The following MYO10 variants were observed in gnomAD, a reference collection of about 807,000 sequenced individuals.
MYO10 encodes myosin X, also known as unconventional myosin-X.
In MYO10, 133 loss-of-function variants were observed where a neutral mutation model predicts 257.3. The ratio of observed to expected loss-of-function variants is 0.52; its 90% CI spans 0.45 to 0.60. MYO10 has a LOEUF of 0.60. Ranked by LOEUF, MYO10 falls within the 20% of genes least tolerant of loss-of-function variation. The pLI is 0.00. For synonymous variants in MYO10, 1,104 were observed against 1,028.6 expected (o/e 1.07, Z -1.40); for missense variants, 2,399 against 2,635.7 (o/e 0.91, Z 1.97).
intron 19 of MYO10, among the ~76,000 whole-genome samples, chr5:16,737,688 A>G (rs1444231935): frequency 3.3e-5 from 5 of 152,220 alleles, no homozygotes; most frequent in Non-Finnish European, 7.3e-5. Flanking sequence ...GGTTTTCAAG[A>G]GGAGGTGGTT....
At chr5:16,676,193 T>C in intron 33 of MYO10, 39 bp from the exon 34 acceptor site, 1 of 1,604,164 alleles carries the variant, frequency 6.2e-7, no homozygotes, top group Non-Finnish European at 8.5e-7. Context: ...AAGAAACCTG[T>C]ATTTTCCTAC....
rs776479832 is a variant in MYO10 at position 16,673,769 on chromosome 5, G to A, written c.5085C>T (p.Ile1695=). 17 of 1,613,978 alleles carry A rather than the reference G, an allele frequency of 1.1e-5. No individual in the cohort carries two copies. In the South Asian group the frequency reaches 1.9e-4, roughly 18 times the overall value. Residue 1695 remains isoleucine, a synonymous_variant, in exon 36 of 41, where the codon ATC becomes ATT. Transcript: ENST00000513610. ...CCGTGGATGTCATTTCCTGCCTGTGGATCAGAGCTTCTATTTCATCTCGGG... is the reference window on the plus strand; with the variant it reads ...CCGTGGATGTCATTTCCTGCCTGTGAATCAGAGCTTCTATTTCATCTCGGG... ...VPSRDEIEAL[I]HRQEMTSTVY...
chr5:16,697,980 GTGA>G (rs1177258943), intron 26 of MYO10, among the ~76,000 whole-genome samples: 4 of 152,298 alleles, frequency 2.6e-5, no homozygotes, highest in African/African-American at 9.6e-5. Context: ...CCCAAAATTG[GTGA>G]TGATTATGGT....
chr5:16,708,682 C>T (rs1738456848), intron 21 of MYO10, among the ~76,000 whole-genome samples: 1 of 152,156 alleles, frequency 6.6e-6, no homozygotes, highest in African/African-American at 2.4e-5. Flanking sequence ...CCACTCTAGC[C>T]ACGCGAGTAG....
intron 2 of MYO10, among the ~76,000 whole-genome samples, chr5:16,821,524 T>TG (rs1289683902): frequency 6.4e-5 from 9 of 139,792 alleles, no homozygotes; most frequent in Non-Finnish European, 1.2e-4. Flanking sequence ...TGGAGTGCAG[T>TG]GGCGCGATCT....
At chr5:16,832,802 T>C (rs149467254) in intron 2 of MYO10, among the ~76,000 whole-genome samples, 3 of 152,314 alleles carry the variant, frequency 2.0e-5, no homozygotes, top group Middle Eastern at 3.4e-3. Context: ...AAACAAAAAC[T>C]GACCTCGGCA....
intron 2 of MYO10, among the ~76,000 whole-genome samples, chr5:16,848,175 TGA>T (rs1743697147): frequency 1.3e-5 from 2 of 148,710 alleles, no homozygotes; most frequent in African/African-American, 2.5e-5. Flanking sequence ...TTTTTTTTTG[TGA>T]GAGAGAGTTT....
chr5:16,894,392 C>A (rs1369536555), intron 1 of MYO10, among the ~76,000 whole-genome samples: 1 of 152,132 alleles, frequency 6.6e-6, no homozygotes, highest in Non-Finnish European at 1.5e-5. Context: ...ATGGCTCTAT[C>A]CAGGGGGCCA....
chr5:16,672,344 T>A (rs1334930166), intron 37 of MYO10, among the ~76,000 whole-genome samples: 1 of 149,480 alleles, frequency 6.7e-6, no homozygotes, highest in Non-Finnish European at 1.5e-5. Context: ...TAACACATAG[T>A]TTAAAGAGTT....
intron 3 of MYO10, among the ~76,000 whole-genome samples, chr5:16,806,588 C>T (rs1380473451): frequency 6.6e-6 from 1 of 150,768 alleles, no homozygotes; most frequent in Non-Finnish European, 1.5e-5. Context: ...GAGGAGCTTG[C>T]AGTGAGCCAA....
intron 9 of MYO10, among the ~76,000 whole-genome samples, chr5:16,777,404 G>A (rs1263709444): frequency 2.0e-5 from 3 of 152,162 alleles, no homozygotes; most frequent in African/African-American, 7.2e-5. Flanking sequence ...TAGCCATAGA[G>A]AAATGATGCA....
intron 19 of MYO10, among the ~76,000 whole-genome samples, chr5:16,722,877 A>C (rs1346619345): frequency 6.6e-6 from 1 of 152,260 alleles, no homozygotes; most frequent in African/African-American, 2.4e-5. Context: ...GATGCTGTTA[A>C]GGCAATGAAA....
At chr5:16,899,360 C>T (rs900338860) in intron 1 of MYO10, among the ~76,000 whole-genome samples, 134 of 152,058 alleles carry the variant, frequency 8.8e-4, no homozygotes, top group Middle Eastern at 3.4e-3. Context: ...TGTGGCTGGG[C>T]GCGATGACTC....
chr5:16,781,512 G>C (rs578042230), intron 6 of MYO10, among the ~76,000 whole-genome samples, 193 bp downstream of exon 6: 1 of 152,202 alleles, frequency 6.6e-6, no homozygotes, highest in African/African-American at 2.4e-5. Context: ...GTAACTATAG[G>C]CACATGTACC....
rs376865617 is a variant in MYO10 at position 16,901,104 on chromosome 5, T to C, written c.22-23397A>G. 1.1e-4 allele frequency among the ~76,000 whole-genome samples: 16 copies of C among 152,136 alleles called. No homozygotes were observed. The East Asian group carries it at 1.5e-3, about 15-fold the overall frequency. On this transcript the variant is annotated intron_variant, in intron 1 of 40. Transcript: ENST00000513610. ...TGTAGACTGTGCATGATCTGGCTCC[T>C]GCCTGCCCCTCCAGCGTTGTCTCAG...
intron 2 of MYO10, among the ~76,000 whole-genome samples, chr5:16,828,564 G>A (rs1311085391): frequency 6.7e-6 from 1 of 148,620 alleles, no homozygotes; most frequent in African/African-American, 2.5e-5. Flanking sequence ...AGGTTGCAGT[G>A]AGCTGAGATT....
rs1031412213 is a variant in MYO10 at position 16,787,424 on chromosome 5, T to A, written c.468-3955A>T. Among the ~76,000 whole-genome samples the A allele has an allele frequency of 5.3e-5, 8 of 152,096 alleles. No homozygotes were observed. In the East Asian group the frequency reaches 1.5e-3, roughly 29 times the overall value. On this transcript the variant is annotated intron_variant, in intron 4 of 40. Transcript: ENST00000513610. ...ATGTCAAGGTCACAGACTCTGCAGGTAGTACATTTCTGTCTAACCCGTCTC... is the reference window on the plus strand; with the variant it reads ...ATGTCAAGGTCACAGACTCTGCAGGAAGTACATTTCTGTCTAACCCGTCTC...
intron 9 of MYO10, among the ~76,000 whole-genome samples, chr5:16,776,590 T>C (rs186682104): frequency 3.5e-4 from 53 of 152,360 alleles, no homozygotes; most frequent in Admixed American, 2.2e-3. Context: ...TTCTAGGTGA[T>C]TGACATATCC....
chr5:16,695,618 C>T (rs1468874090), intron 26 of MYO10, among the ~76,000 whole-genome samples: 2 of 151,950 alleles, frequency 1.3e-5, no homozygotes, highest in African/African-American at 2.4e-5. Flanking sequence ...AAAAATCTTG[C>T]TATGCTCTTC....
Sources: allele counts gnomAD v4.1 joint callset (sites outside exome capture counted in the v4.1 genomes callset), GRCh38; gene constraint gnomAD v4.1.1; transcripts MANE v1.5; gene names NCBI Gene and HGNC (gene_info 2026-07-23, HGNC 2026-07-21).